Variants in RADIL observed in about 807,000 individuals in gnomAD.
The protein encoded by RADIL is ras-associating and dilute domain-containing protein.
Under a neutral mutation model 97.6 loss-of-function variants are expected in RADIL, and 99 were observed. The observed-to-expected ratio is 1.01, with a 90% CI of 0.86 to 1.20. The LOEUF (loss-of-function observed/expected upper bound fraction) is 1.20. RADIL is among the 50% of genes most tolerant of loss of function. The pLI, the probability that RADIL is intolerant of heterozygous loss-of-function variation, is 0.00. For missense variants in RADIL, 1,765 were observed against 1,498.9 expected (o/e 1.18, Z -2.93); for synonymous variants, 803 against 691.8 (o/e 1.16, Z -2.52).
rs1459624975 is a variant in RADIL at position 4,822,183 on chromosome 7, G to A, written c.1615+211C>T. Among the ~76,000 whole-genome samples, 1 of 152,152 alleles carries A rather than the reference G, an allele frequency of 6.6e-6. No individual in the cohort carries two copies. Among genetic ancestry groups the A allele is most frequent in the Non-Finnish European group, 1.5e-5 (1 of 68,022 alleles). On this transcript the variant is annotated intron_variant, in intron 6 of 14. Transcript: ENST00000399583. The surrounding 1 kb of genome is among the most constrained non-coding windows in gnomAD (Gnocchi z 5.3). ...CAGACTGAGTGCCAAGGTGCTGTGGGGGGAGGTGCCAGACTGGCCCGTGCC... is the reference window on the plus strand; with the variant it reads ...CAGACTGAGTGCCAAGGTGCTGTGGAGGGAGGTGCCAGACTGGCCCGTGCC...
intron 2 of RADIL, among the ~76,000 whole-genome samples, chr7:4,851,730 G>A (rs1394263174): frequency 6.6e-6 from 1 of 152,230 alleles, no homozygotes; most frequent in East Asian, 1.9e-4. Context: ...CAACAGGAGA[G>A]AGAGAAATTA....
chr7:4,800,099 G>A (rs573878672), intron 13 of RADIL, 72 bp downstream of exon 13: 76 of 1,528,002 alleles, frequency 5.0e-5, no homozygotes, highest in African/African-American at 2.1e-4. Flanking sequence ...CGCAAGCTGC[G>A]GCCAGGCTTG....
At chr7:4,832,866 G>A (rs78972937) in intron 4 of RADIL, among the ~76,000 whole-genome samples, 92 of 152,272 alleles carry the variant, frequency 6.0e-4, no homozygotes, top group African/African-American at 2.1e-3. Context: ...GAATGAGGAC[G>A]GGGCAGCGGC....
At chr7:4,801,593 C>A (rs1414786074) in intron 12 of RADIL, 60 bp downstream of exon 12, 42 of 1,504,456 alleles carry the variant, frequency 2.8e-5, no homozygotes, top group Non-Finnish European at 3.7e-5. Flanking sequence ...GGGGACCGGC[C>A]ATCAGGGTGC....
In RADIL at chr7:4,800,274, G is replaced by T. The variant is rs758571898; in HGVS notation, c.2879C>A (p.Ala960Asp). 2 of 1,527,920 alleles carry T rather than the reference G, an allele frequency of 1.3e-6. No individual in the cohort carries two copies. Among genetic ancestry groups the T allele is most frequent in the Admixed American group, 4.2e-5 (2 of 47,698 alleles). The allele number at this position is 1,527,920 out of a possible 1,614,324, so 94.6% of individuals were successfully genotyped here. A position where few individuals can be genotyped will look rare whatever the true frequency, so the allele number is the denominator to read the frequency against. The change falls in exon 13 of 15, where the codon GCC becomes GAC. Residue 960 changes from alanine to aspartate, a missense_variant. Transcript: ENST00000399583. ...SAALAEESPPAPSSRSSSTED... is the reference protein window; with the variant it reads ...SAALAEESPPDPSSRSSSTED... ...GGTGCTGGAGCTGCGGCTGGACGGGGCTGGAGGGGACTCCTCCGCAAGGGC... is the reference window on the plus strand; with the variant it reads ...GGTGCTGGAGCTGCGGCTGGACGGGTCTGGAGGGGACTCCTCCGCAAGGGC...
intron 2 of RADIL, among the ~76,000 whole-genome samples, chr7:4,868,850 G>A (rs1365515161): frequency 1.3e-5 from 2 of 152,154 alleles, no homozygotes; most frequent in Non-Finnish European, 2.9e-5. Context: ...AAACAGGCTG[G>A]GCACAGTGGC....
At chr7:4,828,814 G>A (rs901438812) in intron 5 of RADIL, among the ~76,000 whole-genome samples, 2 of 152,194 alleles carry the variant, frequency 1.3e-5, no homozygotes, top group African/African-American at 4.8e-5. Context: ...GACGGTTCTG[G>A]AACACACAGC....
At position 4,878,216 on chromosome 7, in the gene RADIL, G is replaced by T; in HGVS notation, c.-64-13C>A. The T allele has an allele frequency of 7.1e-7, 1 of 1,405,270 alleles. No individual in the cohort carries two copies. The highest frequency in any genetic ancestry group is 9.4e-7 in the Non-Finnish European group (1 of 1,063,416). 87.1% of individuals were successfully genotyped at this position (1,405,270 alleles called of 1,614,324 possible). On this transcript the variant is annotated splice_polypyrimidine_tract_variant and intron_variant, in intron 1 of 14. Transcript: ENST00000399583. The surrounding 1 kb of genome is among the most constrained non-coding windows in gnomAD (Gnocchi z 4.1). ...GGGAGGCCGTGACCTGGGTGAAAAA[G>T]TGAGAGAGGTTAGCGCCAACCATCG...
chr7:4,803,952 AC>A (rs1418668435), intron 10 of RADIL, 198 bp from the exon 11 acceptor site: 3 of 674,470 alleles, frequency 4.4e-6, no homozygotes, highest in African/African-American at 1.8e-5. Flanking sequence ...ATTCCCGCCG[AC>A]CACCCGGTGT....
intron 9 of RADIL, among the ~76,000 whole-genome samples, chr7:4,810,133 G>A (rs918128952): frequency 1.3e-5 from 2 of 150,914 alleles, no homozygotes; most frequent in Non-Finnish European, 2.9e-5. Context: ...GATTACAGGC[G>A]TCAGCCACCA....
intron 2 of RADIL, among the ~76,000 whole-genome samples, chr7:4,853,393 G>T (rs1421984551): frequency 1.3e-5 from 2 of 152,150 alleles, no homozygotes; most frequent in African/African-American, 4.8e-5. Context: ...ATAGCAGAAA[G>T]GAAGTCAAAT....
At chr7:4,808,474 T>C in intron 9 of RADIL, 1 of 648,984 alleles carries the variant, frequency 1.5e-6, no homozygotes, top group Non-Finnish European at 1.9e-6. Flanking sequence ...CAGCGAGGCC[T>C]ATTTTTATAG....
chr7:4,875,048 C>T (rs373237146), intron 2 of RADIL, among the ~76,000 whole-genome samples: 2,315 of 141,170 alleles, frequency 0.016, 118 homozygotes, highest in African/African-American at 0.069. Context: ...AAAAATTAGC[C>T]GGGCGTGGTG....
chr7:4,838,713 G>C (rs1783365847), intron 2 of RADIL, among the ~76,000 whole-genome samples: 1 of 152,250 alleles, frequency 6.6e-6, no homozygotes. Flanking sequence ...CGAGGGGCCG[G>C]AGGTGAGGCC....
At chr7:4,833,292 T>C (rs1783199903) in intron 4 of RADIL, among the ~76,000 whole-genome samples, 3 of 152,192 alleles carry the variant, frequency 2.0e-5, no homozygotes, top group Admixed American at 2.0e-4. Context: ...AGTAAGTGCC[T>C]GGCGCAGAGG....
chr7:4,874,471 C>T (rs1455471746), intron 2 of RADIL, among the ~76,000 whole-genome samples: 2 of 152,224 alleles, frequency 1.3e-5, no homozygotes, highest in African/African-American at 4.8e-5. Flanking sequence ...GCTGCTCCAT[C>T]TCAAACCACC....
chr7:4,843,415 C>T (rs538778405), intron 2 of RADIL, among the ~76,000 whole-genome samples: 14 of 152,224 alleles, frequency 9.2e-5, no homozygotes, highest in East Asian at 3.9e-4. Context: ...GGGCCTGAAA[C>T]GAGTCTTCTG....
At position 4,872,344 on chromosome 7, in the gene RADIL, A is replaced by G. The variant is rs1352647681; in HGVS notation, c.535+5261T>C. Among the ~76,000 whole-genome samples, 1 of 152,154 alleles carries G rather than the reference A, an allele frequency of 6.6e-6. No homozygotes were observed. The highest frequency in any genetic ancestry group is 1.5e-5 in the Non-Finnish European group (1 of 68,028). On this transcript the variant is annotated intron_variant, in intron 2 of 14. Transcript: ENST00000399583. The surrounding 1 kb of genome is among the most constrained non-coding windows in gnomAD (Gnocchi z 5.8). ...CGCCTCCCTCAGCAAAGATGCCCCA[A>G]CCTAAAATGTAACGGGAGGAAGGGA...
At position 4,880,081 on chromosome 7, in the gene RADIL, T is replaced by C. The variant is rs1475468399; in HGVS notation, c.-64-1878A>G. Among the ~76,000 whole-genome samples the C allele has an allele frequency of 6.6e-6, 1 of 152,234 alleles. No individual in the cohort carries two copies. The highest frequency in any genetic ancestry group is 1.5e-5 in the Non-Finnish European group (1 of 68,044). On this transcript the variant is annotated intron_variant, in intron 1 of 14. Coordinates refer to ENST00000399583, the MANE Select transcript of RADIL (RefSeq NM_018059.5). The surrounding 1 kb of genome is among the most constrained non-coding windows in gnomAD (Gnocchi z 4.5). The stretch of plus-strand genomic sequence containing the variant: ...TGTTCCTATAGCCCACTGCGGACAC[T>C]TCACCACGGCAAAGGCTTTCGCTGT...
Sources: gnomAD v4.1 joint callset for allele counts (sites outside exome capture counted in the v4.1 genomes callset) on GRCh38, gnomAD v4.1.1 for gene constraint, Gnocchi (gnomAD v3.1) non-coding constraint, MANE v1.5 for transcripts, NCBI Gene and HGNC (gene_info 2026-07-23, HGNC 2026-07-21) for gene names.